Variants in SEMA6B observed in about 807,000 individuals in gnomAD.
SEMA6B encodes semaphorin-6B.
SEMA6B carries 47 observed loss-of-function variants against 78.6 expected under a neutral mutation model. That is an observed-to-expected ratio of 0.60 (90% CI 0.47 to 0.76). The LOEUF (loss-of-function observed/expected upper bound fraction) is 0.76, where lower values mean the gene tolerates loss of function less well. SEMA6B is among the 30% of genes least tolerant of loss of function. The pLI, the probability that SEMA6B is intolerant of heterozygous loss-of-function variation, is 0.00. For missense variants in SEMA6B, 1,213 were observed against 1,269.9 expected (o/e 0.96, Z 0.68); for synonymous variants, 632 against 592.2 (o/e 1.07, Z -0.98).
Position 4,550,868 on chromosome 19 carries a change from C to A in SEMA6B, c.1052G>T (p.Arg351Leu). 6.2e-7 allele frequency: 1 copy of A among 1,613,582 alleles called. No homozygotes were observed. The highest frequency in any genetic ancestry group is 8.5e-7 in the Non-Finnish European group (1 of 1,180,000). Reference protein sequence around the residue: ...LTQVAAVFEGRFREQKSPESI... With the variant: ...LTQVAAVFEGLFREQKSPESI... The stretch of plus-strand genomic sequence containing the variant: ...CTCGGGGGACTTCTGCTCTCGGAAG[C>A]GGCCTTCAAACACAGCTGCCACCTG... Residue 351 changes from arginine (R) to leucine (L), a missense_variant, in exon 11 of 17, where the codon CGC (arginine) becomes CTC (leucine). Arg to Leu is a moderately radical substitution (Grantham distance 102). Transcript: ENST00000586582. The surrounding 1 kb of genome is among the most constrained non-coding windows in gnomAD (Gnocchi z 6.6).
chr19:4,557,217 G>A lies in SEMA6B; in HGVS notation c.252C>T (p.Asn84=). ...GGGGCTCCAGCTCTACGCGGTAGAG[G>A]TTGTCCCTGGGGGAGGGGCATAGTT... is the stretch of plus-strand genomic sequence containing the variant. The part of the protein sequence containing the change: ...NRTLFIGDRD[N]LYRVELEPPT... The change falls in exon 4 of 17, where the codon AAC becomes AAT. Residue 84 remains asparagine, a synonymous_variant. Coordinates refer to ENST00000586582, the MANE Select transcript of SEMA6B (RefSeq NM_032108.4). The A allele has an allele frequency of 6.3e-7, 1 of 1,582,862 alleles. No individual in the cohort carries two copies. The highest frequency in any genetic ancestry group is 8.6e-7 in the Non-Finnish European group (1 of 1,164,794).
Position 4,548,090 on chromosome 19 carries a change from G to A in SEMA6B, c.1538C>T (p.Ala513Val). Residue 513 changes from alanine to valine, a missense_variant, in exon 14 of 17, where the codon GCC becomes GTC. Ala to Val is a moderately conservative substitution (Grantham distance 64). Coordinates refer to ENST00000586582, the MANE Select transcript of SEMA6B (RefSeq NM_032108.4). ...LDAASGGLLA[A>V]FPRCVVRVPV... ...CACTCGGACCACGCAGCGGGGGAAG[G>A]CAGCCAGCAGGCCCCCCGAAGCTGC... 2 of 1,591,738 alleles carry A rather than the reference G, an allele frequency of 1.3e-6. No homozygotes were observed. Among genetic ancestry groups the A allele is most frequent in the South Asian group, 1.1e-5 (1 of 90,062 alleles).
At chr19:4,547,341 T>C (rs1249001187) in intron 14 of SEMA6B, among the ~76,000 whole-genome samples, 2 of 152,162 alleles carry the variant, frequency 1.3e-5, no homozygotes, top group Admixed American at 6.5e-5. Context: ...CTCCCCACTT[T>C]ACAGATAAGC....
chr19:4,549,540 G>A (rs567343766), intron 12 of SEMA6B, among the ~76,000 whole-genome samples: 7 of 152,128 alleles, frequency 4.6e-5, no homozygotes, highest in Admixed American at 1.3e-4. Flanking sequence ...CTGCAGTGGC[G>A]TGATCTTGGC....
In SEMA6B at chr19:4,558,104, A is replaced by G; in HGVS notation, c.167T>C (p.Leu56Pro). Residue 56 changes from leucine to proline, a missense_variant, in exon 3 of 17, where the codon CTG becomes CCG. By Grantham distance (98) the Leu-to-Pro change is moderately conservative. Transcript: ENST00000586582. This position sits in a 1 kb window ranked among gnomAD's most constrained non-coding sequence, Gnocchi z 5.1. ...GTCGTCAGCACCTTCTGCGGGGGTCAGGCGTCCGGGCCCGCTGCCCACAAA... is the reference window on the plus strand; with the variant it reads ...GTCGTCAGCACCTTCTGCGGGGGTCGGGCGTCCGGGCCCGCTGCCCACAAA... ...PVFVGSGPGR[L>P]TPAEGADDLN... 1 of 1,536,484 alleles carries G rather than the reference A, an allele frequency of 6.5e-7. No homozygotes were observed. The highest frequency in any genetic ancestry group is 8.8e-7 in the Non-Finnish European group (1 of 1,134,860).
At chr19:4,557,539 G>A (rs1599783941) in intron 3 of SEMA6B, among the ~76,000 whole-genome samples, 1 of 152,188 alleles carries the variant, frequency 6.6e-6, no homozygotes, top group East Asian at 1.9e-4. Context: ...CGAGGAAGCC[G>A]CCCTGCTCAA....
At position 4,550,108 on chromosome 19, in the gene SEMA6B, C is replaced by A; in HGVS notation, c.1271+15G>T. 6.2e-7 allele frequency: 1 copy of A among 1,612,452 alleles called. No individual in the cohort carries two copies. Among genetic ancestry groups the A allele is most frequent in the Non-Finnish European group, 8.5e-7 (1 of 1,179,150 alleles). On this transcript the variant is annotated intron_variant, in intron 12 of 16. Coordinates refer to ENST00000586582, the MANE Select transcript of SEMA6B (RefSeq NM_032108.4). This position sits in a 1 kb window ranked among gnomAD's most constrained non-coding sequence, Gnocchi z 6.6. ...CCTGTCTCCCCTCGCCATGCCCTGCCTCTCCAGGACCGACCTCATCAGGGT... is the reference window on the plus strand; with the variant it reads ...CCTGTCTCCCCTCGCCATGCCCTGCATCTCCAGGACCGACCTCATCAGGGT...
chr19:4,557,047 G>C lies in SEMA6B; in HGVS notation c.307-34C>G, dbSNP rs766322781. 1.6e-5 allele frequency: 26 copies of C among 1,605,490 alleles called. No individual in the cohort carries two copies. The Admixed American group carries it at 4.0e-4, about 25-fold the overall frequency. ...AGAGAGAGCTGGTGAGGGGGTAACG[G>C]GTCCCAGCAGCCCTGAGTGACCCCG... On this transcript the variant is annotated intron_variant, in intron 4 of 16. Transcript: ENST00000586582.
Position 4,555,136 on chromosome 19 carries a change from C to T in SEMA6B, c.563-41G>A, listed in dbSNP as rs1472240098. ...GGGGAAGGCAGGCAAGAGATGAGAC[C>T]GCAGAGGCCAGGGGCTGGGTGGGTC... On this transcript the variant is annotated intron_variant, in intron 7 of 16. Coordinates refer to ENST00000586582, the MANE Select transcript of SEMA6B (RefSeq NM_032108.4). This position sits in a 1 kb window ranked among gnomAD's most constrained non-coding sequence, Gnocchi z 6.1. 9.9e-6 allele frequency: 16 copies of T among 1,609,568 alleles called. No individual in the cohort carries two copies. Among genetic ancestry groups the T allele is most frequent in the Middle Eastern group, 1.7e-4 (1 of 6,058 alleles).
At chr19:4,547,738 C>T (rs879110678) in intron 14 of SEMA6B, among the ~76,000 whole-genome samples, 3 of 152,162 alleles carry the variant, frequency 2.0e-5, no homozygotes, top group East Asian at 1.9e-4. Flanking sequence ...AAGTCCTCCC[C>T]GAGGCTCACA....
At chr19:4,554,906 T>C (rs1377278178) in intron 8 of SEMA6B, 70 bp downstream of exon 8, 5 of 1,554,282 alleles carry the variant, frequency 3.2e-6, no homozygotes, top group Non-Finnish European at 4.4e-6. Flanking sequence ...CTTATTCTGG[T>C]GGGGAGATTT....
At position 4,555,631 on chromosome 19, in the gene SEMA6B, G is replaced by C; in HGVS notation, c.472-67C>G. On this transcript the variant is annotated intron_variant, in intron 6 of 16. Coordinates refer to ENST00000586582, the MANE Select transcript of SEMA6B (RefSeq NM_032108.4). The surrounding 1 kb of genome is among the most constrained non-coding windows in gnomAD (Gnocchi z 6.1). ...CACCTAGCAGCCCCTGGCTCCCTCA[G>C]CCCCCCACTCCAGGGGGAATCCTGA... is the stretch of plus-strand genomic sequence containing the variant. 1 of 1,302,782 alleles carries C rather than the reference G, an allele frequency of 7.7e-7. No individual in the cohort carries two copies. Among genetic ancestry groups the C allele is most frequent in the Non-Finnish European group, 1.1e-6 (1 of 918,084 alleles). The allele number at this position is 1,302,782 out of a possible 1,614,324, so 80.7% of individuals were successfully genotyped here.
At position 4,554,969 on chromosome 19, in the gene SEMA6B, G is replaced by A. The variant is rs755453107; in HGVS notation, c.682+7C>T. 10 of 1,613,332 alleles carry A rather than the reference G, an allele frequency of 6.2e-6. No individual in the cohort carries two copies. The highest frequency in any genetic ancestry group is 7.6e-6 in the Non-Finnish European group (9 of 1,179,564). Reference sequence around the variant, plus strand: ...AGGTCTGGGCCCACTGCCCTTCCTGGTCTCACCTTTGAACCACTTGGAGTC... The same window carrying A: ...AGGTCTGGGCCCACTGCCCTTCCTGATCTCACCTTTGAACCACTTGGAGTC... On this transcript the variant is annotated splice_region_variant and intron_variant, in intron 8 of 16. Coordinates refer to ENST00000586582, the MANE Select transcript of SEMA6B (RefSeq NM_032108.4).
Position 4,550,523 on chromosome 19 carries a change from C to A in SEMA6B, c.1122-251G>T, listed in dbSNP as rs551927009. Among the ~76,000 whole-genome samples the A allele has an allele frequency of 6.6e-6, 1 of 152,072 alleles. No homozygotes were observed. The highest frequency in any genetic ancestry group is 1.5e-5 in the Non-Finnish European group (1 of 68,026). Reference sequence around the variant, plus strand: ...GGATTACAGGCACGTGCCATCACGCCCGGCTAATTTTTGTATTTTTAGTAG... The same window carrying A: ...GGATTACAGGCACGTGCCATCACGCACGGCTAATTTTTGTATTTTTAGTAG... On this transcript the variant is annotated intron_variant, in intron 11 of 16. Coordinates refer to ENST00000586582, the MANE Select transcript of SEMA6B (RefSeq NM_032108.4). The surrounding 1 kb of genome is among the most constrained non-coding windows in gnomAD (Gnocchi z 6.6).
chr19:4,557,765 C>T (rs1424570220), intron 3 of SEMA6B, among the ~76,000 whole-genome samples: 1 of 152,196 alleles, frequency 6.6e-6, no homozygotes, highest in African/African-American at 2.4e-5. Flanking sequence ...CACCCTGGTC[C>T]CCTGGATTCC....
intron 16 of SEMA6B, among the ~76,000 whole-genome samples, chr19:4,545,097 A>G (rs1359265581): frequency 6.6e-6 from 1 of 151,690 alleles, no homozygotes; most frequent in Non-Finnish European, 1.5e-5. Context: ...TAATCCTAGC[A>G]TTTTGTGAGG....
chr19:4,546,666 C>T (rs1977177552), intron 14 of SEMA6B, among the ~76,000 whole-genome samples, 197 bp from the exon 15 acceptor site: 1 of 152,088 alleles, frequency 6.6e-6, no homozygotes. Context: ...CTCTTGTCGC[C>T]CAGGCTGGAG....
chr19:4,543,879 G>C lies in SEMA6B; in HGVS notation c.2389C>G (p.Arg797Gly). 3.3e-6 allele frequency: 4 copies of C among 1,205,776 alleles called. No individual in the cohort carries two copies. In the Admixed American group the frequency reaches 1.8e-4, roughly 53 times the overall value. 74.7% of individuals were successfully genotyped at this position (1,205,776 alleles called of 1,614,324 possible). A position where few individuals can be genotyped will look rare whatever the true frequency, so the allele number is the denominator to read the frequency against. The change falls in exon 17 of 17, where the codon CGC becomes GGC. Residue 797 changes from arginine to glycine, a missense_variant. Coordinates refer to ENST00000586582, the MANE Select transcript of SEMA6B (RefSeq NM_032108.4). ...GTGGGCGCGGACACCACCCGCCGGC[G>C]GTCCGGGCTGGCGTGGGGGGTGAGC... ...FPLTPHASPD[R>G]RRVVSAPTGP...
rs559309978 is a variant in SEMA6B at position 4,558,632 on chromosome 19, A to G, written c.-32-143T>C. ...ATTAATAAAAACAATAATGGCAATA[A>G]TAATAATAATACACAGCACTGATTT... is the stretch of plus-strand genomic sequence containing the variant. On this transcript the variant is annotated intron_variant, in intron 1 of 16. Coordinates refer to ENST00000586582, the MANE Select transcript of SEMA6B (RefSeq NM_032108.4). This position sits in a 1 kb window ranked among gnomAD's most constrained non-coding sequence, Gnocchi z 5.1. The G allele has an allele frequency of 3.4e-4, 146 of 426,360 alleles. No homozygotes were observed. In the South Asian group the frequency reaches 0.018, roughly 51 times the overall value. The allele number at this position is 426,360 out of a possible 1,614,324, so 26.4% of individuals were successfully genotyped here.
Sources: allele counts gnomAD v4.1 joint callset (sites outside exome capture counted in the v4.1 genomes callset), GRCh38; gene constraint gnomAD v4.1.1; non-coding constraint Gnocchi (gnomAD v3.1); transcripts MANE v1.5; gene names NCBI Gene and HGNC (gene_info 2026-07-23, HGNC 2026-07-21).